MRPS27: variants seen among roughly 807,000 people sequenced by gnomAD.
MRPS27 encodes the protein mitochondrial ribosomal protein S27, also known as small ribosomal subunit protein mS27.
Under a neutral mutation model 48.9 loss-of-function variants are expected in MRPS27, and 43 were observed. The ratio of observed to expected loss-of-function variants is 0.88; its 90% CI spans 0.69 to 1.13. MRPS27 has a LOEUF of 1.13. MRPS27 is among the 50% of genes most tolerant of loss of function. MRPS27 has a pLI of 0.00. For synonymous variants in MRPS27, 188 were observed against 171.9 expected, an observed-to-expected ratio of 1.09 and a Z score of -0.73; for missense variants, 467 against 476.3, an observed-to-expected ratio of 0.98 and a Z score of 0.18.
intron 9 of MRPS27, among the ~76,000 whole-genome samples, chr5:72,225,233 G>A (rs1164686410): frequency 6.6e-6 from 1 of 152,178 alleles, no homozygotes; most frequent in Non-Finnish European, 1.5e-5. Flanking sequence ...AGTATAAGGT[G>A]ACAGGACAGA....
rs1286400252 is a variant in MRPS27 at position 72,223,820 on chromosome 5, G to C, written c.868C>G (p.Leu290Val). 3 of 1,613,834 alleles carry C rather than the reference G, an allele frequency of 1.9e-6. No homozygotes were observed. Among genetic ancestry groups the C allele is most frequent in the Non-Finnish European group, 1.7e-6 (2 of 1,179,938 alleles). The change falls in exon 10 of 11, where the codon CTG becomes GTG. Residue 290 changes from leucine to valine, a missense_variant. Transcript: ENST00000261413. ...TCTGAAGCCCCATCAGCTGAAGTCA[G>C]AGCCTTCAGCACTGCACCCAGCACA... Reference protein sequence around the residue: ...LDVLGAVLKALTSADGASEEQ... With the variant: ...LDVLGAVLKAVTSADGASEEQ...
chr5:72,280,119 G>A (rs192662759), intron 4 of MRPS27, among the ~76,000 whole-genome samples: 16 of 152,090 alleles, frequency 1.1e-4, no homozygotes, highest in Admixed American at 9.2e-4. Flanking sequence ...TGTATTTTTT[G>A]TAGCTTTCTA....
chr5:72,314,130 A>C lies in MRPS27; in HGVS notation c.102T>G (p.Tyr34Ter). ...TTGCTTCCCATTTGTGGCTGTCTAC[A>C]TAGGCTGAAGAAAGCAGGTATCTTT... Reference protein sequence around the residue: ...AGKRYLLSSAYVDSHKWEARE... With the variant: ...AGKRYLLSSA Residue 34 changes from tyrosine (Y) to a stop codon, truncating the protein, a stop_gained, in exon 2 of 11, where the codon TAT (tyrosine) becomes TAG (stop). Coordinates refer to ENST00000261413, the MANE Select transcript of MRPS27 (RefSeq NM_015084.3). LOFTEE classifies it high-confidence loss of function. The C allele has an allele frequency of 6.2e-7, 1 of 1,613,174 alleles. No homozygotes were observed. The highest frequency in any genetic ancestry group is 8.5e-7 in the Non-Finnish European group (1 of 1,179,468).
intron 4 of MRPS27, among the ~76,000 whole-genome samples, chr5:72,287,169 A>G (rs1749693900): frequency 6.6e-6 from 1 of 152,056 alleles, no homozygotes; most frequent in African/African-American, 2.4e-5. Context: ...ATGCCTGATG[A>G]TCTGAGATGG....
chr5:72,255,834 C>T (rs184675889), intron 4 of MRPS27, among the ~76,000 whole-genome samples: 2 of 152,234 alleles, frequency 1.3e-5, no homozygotes, highest in Admixed American at 6.5e-5. Flanking sequence ...TCCTGCCTGA[C>T]GCTAAAATAG....
rs70999273 is a variant in MRPS27 at position 72,255,029 on chromosome 5, CTTTTTTTTTT to C, written c.282-16911_282-16902del. ...ATCTAAAATGTAACACATTTCTTTT[CTTTTTTTTTT>C]TTTTTTTTTTTTTTTTTGAGACAGA... is the stretch of plus-strand genomic sequence containing the variant. On this transcript the variant is annotated intron_variant, in intron 4 of 10. Transcript: ENST00000261413. 2.0e-3 allele frequency among the ~76,000 whole-genome samples: 146 copies of C among 72,104 alleles called. 1 individual carries two copies. Among genetic ancestry groups the C allele is most frequent in the Middle Eastern group, 0.016 (1 of 62 alleles). The allele number at this position is 72,104 out of a possible 152,430, so 47.3% of individuals were successfully genotyped here. A position where few individuals can be genotyped will look rare whatever the true frequency, so the allele number is the denominator to read the frequency against.
At chr5:72,267,095 T>C (rs1749124129) in intron 4 of MRPS27, among the ~76,000 whole-genome samples, 1 of 152,174 alleles carries the variant, frequency 6.6e-6, no homozygotes, top group African/African-American at 2.4e-5. Flanking sequence ...CACAACTTTA[T>C]ATGTTTATTT....
rs115234566 is a variant in MRPS27, at chr5:72,298,268, T to A, written c.152-566A>T. On this transcript the variant is annotated intron_variant, in intron 2 of 10. Transcript: ENST00000261413. ...AAGACATACAAGCAGTCAACCAACA[T>A]AGGAAAAAAATGCTCAACATCACTA... 5.1e-3 allele frequency among the ~76,000 whole-genome samples: 773 copies of A among 151,668 alleles called. 3 individuals carry two copies. The highest frequency in any genetic ancestry group is 0.018 in the African/African-American group (743 of 41,306).
intron 4 of MRPS27, among the ~76,000 whole-genome samples, chr5:72,285,584 C>A (rs1234800536): frequency 1.3e-5 from 2 of 152,126 alleles, no homozygotes; most frequent in East Asian, 3.9e-4. Context: ...CTCATTGTAG[C>A]CTTGAACTTC....
chr5:72,278,980 C>T (rs1204840762), intron 4 of MRPS27, among the ~76,000 whole-genome samples: 1 of 152,104 alleles, frequency 6.6e-6, no homozygotes, highest in African/African-American at 2.4e-5. Context: ...CTTATACAAG[C>T]CAGAGTTCCT....
intron 2 of MRPS27, among the ~76,000 whole-genome samples, chr5:72,302,675 T>A (rs559235061): frequency 6.6e-6 from 1 of 152,308 alleles, no homozygotes; most frequent in Admixed American, 6.5e-5. Context: ...CTTGGAGTGT[T>A]TAGAGGAGCA....
chr5:72,314,441 T>A (rs1561366847), intron 1 of MRPS27: 1 of 239,882 alleles, frequency 4.2e-6, no homozygotes, highest in African/African-American at 2.2e-5. Flanking sequence ...ATGCAGTAGC[T>A]ATTCACAGGC....
At chr5:72,285,675 C>T (rs1045747463) in intron 4 of MRPS27, among the ~76,000 whole-genome samples, 1 of 152,176 alleles carries the variant, frequency 6.6e-6, no homozygotes. Flanking sequence ...GCACACACCA[C>T]CATGACCAGC....
At chr5:72,309,109 GGA>G (rs889092465) in intron 2 of MRPS27, among the ~76,000 whole-genome samples, 1 of 151,396 alleles carries the variant, frequency 6.6e-6, no homozygotes, top group African/African-American at 2.4e-5. Context: ...GATTCTGACT[GGA>G]GAGATTCAGG....
intron 4 of MRPS27, among the ~76,000 whole-genome samples, chr5:72,279,720 TAAAAC>T (rs1480576718): frequency 5.3e-5 from 8 of 152,114 alleles, no homozygotes; most frequent in African/African-American, 1.4e-4. Context: ...CACTTAGTAA[TAAAAC>T]AAAACAAAAA....
In MRPS27 at chr5:72,220,675, C is replaced by T; in HGVS notation, c.*234G>A. The T allele has an allele frequency of 1.7e-6, 1 of 572,434 alleles. No homozygotes were observed. Among genetic ancestry groups the T allele is most frequent in the South Asian group, 2.3e-5 (1 of 43,238 alleles). The allele number at this position is 572,434 out of a possible 1,614,324, so 35.5% of individuals were successfully genotyped here. A position where few individuals can be genotyped will look rare whatever the true frequency, so the allele number is the denominator to read the frequency against. On this transcript the variant is annotated 3_prime_UTR_variant, in exon 11 of 11. Coordinates refer to ENST00000261413, the MANE Select transcript of MRPS27 (RefSeq NM_015084.3). ...TCCATTATGAGCCTCAAGAGTCCTCCTTAAGGTATTCAGCTGGTGACTTCA... is the reference window on the plus strand; with the variant it reads ...TCCATTATGAGCCTCAAGAGTCCTCTTTAAGGTATTCAGCTGGTGACTTCA...
rs368088703 is a variant in MRPS27 at position 72,291,460 on chromosome 5, G to A, written c.281+4071C>T. 1.2e-3 allele frequency among the ~76,000 whole-genome samples: 187 copies of A among 152,260 alleles called. 1 individual carries two copies. The highest frequency in any genetic ancestry group is 4.2e-3 in the African/African-American group (176 of 41,562). ...ATCTTTGGGATATGGTAACATATGTGCTGCTTTATTAATGCATGAAATAAC... is the reference window on the plus strand; with the variant it reads ...ATCTTTGGGATATGGTAACATATGTACTGCTTTATTAATGCATGAAATAAC... On this transcript the variant is annotated intron_variant, in intron 4 of 10. Coordinates refer to ENST00000261413, the MANE Select transcript of MRPS27 (RefSeq NM_015084.3).
intron 4 of MRPS27, among the ~76,000 whole-genome samples, chr5:72,251,272 C>A (rs948633409): frequency 6.6e-6 from 1 of 152,170 alleles, no homozygotes; most frequent in Admixed American, 6.5e-5. Flanking sequence ...TCATTCCTCT[C>A]AAGACAGTCT....
At chr5:72,279,973 C>A (rs191308013) in intron 4 of MRPS27, among the ~76,000 whole-genome samples, 2 of 152,262 alleles carry the variant, frequency 1.3e-5, no homozygotes, top group Admixed American at 1.3e-4. Context: ...GTCTAAGTAG[C>A]ATTTATTAAC....
Sources: allele counts gnomAD v4.1 joint callset (sites outside exome capture counted in the v4.1 genomes callset), GRCh38; gene constraint gnomAD v4.1.1; transcripts MANE v1.5; gene names NCBI Gene and HGNC (gene_info 2026-07-23, HGNC 2026-07-21).